FAM169A: variants seen among roughly 807,000 people sequenced by gnomAD.
The protein encoded by FAM169A is family with sequence similarity 169 member A.
A neutral mutation model predicts 75.7 loss-of-function variants in FAM169A; 24 were observed. That is an observed-to-expected ratio of 0.32 (90% CI 0.23 to 0.45). The LOEUF (loss-of-function observed/expected upper bound fraction) is 0.45, where lower values mean the gene tolerates loss of function less well. FAM169A is among the 20% of genes least tolerant of loss of function. FAM169A has a pLI of 1.00. For missense variants in FAM169A, 673 were observed against 784.0 expected (o/e 0.86, Z 1.69); for synonymous variants, 271 against 271.0 (o/e 1.00, Z 0.00).
rs144404221 is a variant in FAM169A at position 74,851,094 on chromosome 5, G to C, written c.-3-9415C>G. 3.0e-4 allele frequency among the ~76,000 whole-genome samples: 46 copies of C among 152,242 alleles called. No homozygotes were observed. The South Asian group carries it at 6.2e-3, about 21-fold the overall frequency. On this transcript the variant is annotated intron_variant, in intron 1 of 12. Coordinates refer to ENST00000687041, the MANE Select transcript of FAM169A (RefSeq NM_001376049.1). ...CCACACCCAGCTAAGTTTTTTAAAA[G>C]ATTAATATGTCTGTACAGCAAAGTC...
chr5:74,811,358 C>T (rs1284773875), intron 6 of FAM169A, among the ~76,000 whole-genome samples: 1 of 152,134 alleles, frequency 6.6e-6, no homozygotes, highest in African/African-American at 2.4e-5. Flanking sequence ...CTAAGGGATT[C>T]TGCCTGCAGT....
intron 1 of FAM169A, among the ~76,000 whole-genome samples, chr5:74,858,898 C>T (rs1749890297): frequency 6.6e-6 from 1 of 152,112 alleles, no homozygotes; most frequent in Non-Finnish European, 1.5e-5. Context: ...AGGGGGCTAA[C>T]ATTAATTATT....
At chr5:74,805,103 G>T in intron 7 of FAM169A, 53 bp downstream of exon 7, 1 of 1,547,546 alleles carries the variant, frequency 6.5e-7, no homozygotes, top group South Asian at 1.1e-5. Flanking sequence ...AGCAAGGACA[G>T]GCTACCAAAA....
chr5:74,791,642 A>G (rs1745981688), intron 11 of FAM169A, among the ~76,000 whole-genome samples: 1 of 152,248 alleles, frequency 6.6e-6, no homozygotes, highest in Non-Finnish European at 1.5e-5. Flanking sequence ...CATGGAATAT[A>G]GGAGATCCCT....
chr5:74,850,134 C>T (rs1381070183), intron 1 of FAM169A, among the ~76,000 whole-genome samples: 2 of 152,174 alleles, frequency 1.3e-5, no homozygotes, highest in African/African-American at 4.8e-5. Context: ...ATCTAAAACC[C>T]ATGAGGTGGG....
intron 5 of FAM169A, among the ~76,000 whole-genome samples, chr5:74,832,805 T>C (rs1001248978): frequency 1.3e-5 from 2 of 151,970 alleles, no homozygotes; most frequent in African/African-American, 4.8e-5. Flanking sequence ...AAATGGCTAC[T>C]GATTCAAAGG....
At chr5:74,812,932 C>T (rs760605239) in intron 6 of FAM169A, among the ~76,000 whole-genome samples, 3 of 152,144 alleles carry the variant, frequency 2.0e-5, no homozygotes, top group Non-Finnish European at 4.4e-5. Context: ...TAAAATGCAG[C>T]AATCACTTTA....
intron 10 of FAM169A, among the ~76,000 whole-genome samples, chr5:74,797,041 A>ATCAAGG (rs1746314224): frequency 6.6e-6 from 1 of 152,170 alleles, no homozygotes; most frequent in Non-Finnish European, 1.5e-5. Context: ...GTACATCTTC[A>ATCAAGG]TCAAGGCTTT....
At chr5:74,809,793 C>G (rs1406234353) in intron 6 of FAM169A, among the ~76,000 whole-genome samples, 3 of 152,184 alleles carry the variant, frequency 2.0e-5, no homozygotes, top group African/African-American at 7.2e-5. Context: ...GTGCTTTCCA[C>G]TTACTACTAG....
At chr5:74,847,471 AT>A (rs1432358254) in intron 1 of FAM169A, among the ~76,000 whole-genome samples, 1 of 152,102 alleles carries the variant, frequency 6.6e-6, no homozygotes, top group African/African-American at 2.4e-5. Context: ...ATCTCAACTC[AT>A]TTTTTTAGAA....
chr5:74,805,460 TA>T (rs1418714078), intron 6 of FAM169A, among the ~76,000 whole-genome samples, 176 bp from the exon 7 acceptor site: 1 of 133,430 alleles, frequency 7.5e-6, no homozygotes, highest in Non-Finnish European at 1.6e-5. Context: ...AAATTCTAAA[TA>T]AAAATCCCAA....
chr5:74,806,616 T>C (rs1746898368), intron 6 of FAM169A, among the ~76,000 whole-genome samples: 1 of 152,130 alleles, frequency 6.6e-6, no homozygotes, highest in South Asian at 2.1e-4. Context: ...ACCAGCACTG[T>C]CCAATACAGT....
At chr5:74,859,145 C>T (rs1002490801) in intron 1 of FAM169A, among the ~76,000 whole-genome samples, 2 of 151,188 alleles carry the variant, frequency 1.3e-5, no homozygotes, top group African/African-American at 4.9e-5. Flanking sequence ...ACCCGGGAGG[C>T]GGAGGGTGCA....
At chr5:74,854,412 T>C (rs980563169) in intron 1 of FAM169A, among the ~76,000 whole-genome samples, 2 of 151,824 alleles carry the variant, frequency 1.3e-5, no homozygotes, top group Admixed American at 6.6e-5. Flanking sequence ...ATAATAATAA[T>C]AATAATAATC....
intron 5 of FAM169A, among the ~76,000 whole-genome samples, chr5:74,826,426 T>C (rs1748030212): frequency 6.6e-6 from 1 of 152,216 alleles, no homozygotes; most frequent in Non-Finnish European, 1.5e-5. Flanking sequence ...GGCTGGAGCC[T>C]TTCCTAGGGG....
At chr5:74,866,142 C>G (rs1165143077) in intron 1 of FAM169A, 23 bp downstream of exon 1, 1 of 974,396 alleles carries the variant, frequency 1.0e-6, no homozygotes, top group African/African-American at 1.8e-5. Context: ...GCGGTCCGCG[C>G]CGGGGAGAGG....
At chr5:74,847,193 G>A (rs112931529) in intron 1 of FAM169A, among the ~76,000 whole-genome samples, 133 of 152,014 alleles carry the variant, frequency 8.7e-4, no homozygotes, top group African/African-American at 2.9e-3. Flanking sequence ...ATACAGTTCC[G>A]TATACTCACA....
chr5:74,862,805 G>GT (rs1414253405), intron 1 of FAM169A, among the ~76,000 whole-genome samples: 1 of 152,018 alleles, frequency 6.6e-6, no homozygotes, highest in Non-Finnish European at 1.5e-5. Flanking sequence ...TTCCCAACTC[G>GT]TATTTTCAAA....
At chr5:74,810,819 C>CTTTT (rs59139246) in intron 6 of FAM169A, among the ~76,000 whole-genome samples, 1 of 115,184 alleles carries the variant, frequency 8.7e-6, no homozygotes, top group Admixed American at 9.8e-5. Context: ...GATATTTGCC[C>CTTTT]TTTTTTTTTT....
Sources: gnomAD v4.1 joint callset for allele counts (sites outside exome capture counted in the v4.1 genomes callset) on GRCh38, gnomAD v4.1.1 for gene constraint, MANE v1.5 for transcripts, NCBI Gene and HGNC (gene_info 2026-07-23, HGNC 2026-07-21) for gene names.